RAE1: variants seen among roughly 807,000 people sequenced by gnomAD.
The protein encoded by RAE1 is mRNA export factor RAE1.
A neutral mutation model predicts 52.7 loss-of-function variants in RAE1; 13 were observed. The ratio of observed to expected loss-of-function variants is 0.25; its 90% CI spans 0.16 to 0.39. The LOEUF is 0.39. Among genes scored for constraint, RAE1 ranks in the 10% least tolerant of loss-of-function variants. RAE1 has a pLI of 1.00. For missense variants in RAE1, 262 were observed against 459.8 expected (o/e 0.57, Z 3.93); for synonymous variants, 164 against 153.1 (o/e 1.07, Z -0.52).
At chr20:57,377,277 C>T (rs539037539) in intron 11 of RAE1, among the ~76,000 whole-genome samples, 8 of 152,326 alleles carry the variant, frequency 5.3e-5, no homozygotes, top group South Asian at 2.1e-4. Context: ...GGCCCACCTG[C>T]GGCTCCTGCC....
intron 8 of RAE1, chr20:57,372,319 CA>C (rs111594117): frequency 2.6e-5 from 4 of 152,084 alleles, no homozygotes; most frequent in African/African-American, 4.8e-5. Flanking sequence ...TGGTTGAATC[CA>C]AAAAAAACCT....
intron 4 of RAE1, chr20:57,358,670 G>T: frequency 4.2e-6 from 1 of 237,754 alleles, no homozygotes; most frequent in South Asian, 1.6e-4. Flanking sequence ...TACACCATTA[G>T]GATGTCCTGA....
chr20:57,354,166 T>G, intron 2 of RAE1, 38 bp downstream of exon 2: 1 of 1,571,142 alleles, frequency 6.4e-7, no homozygotes, highest in Non-Finnish European at 8.8e-7. Flanking sequence ...TAGGAAGAGT[T>G]TGGGCAGAGT....
In RAE1 at chr20:57,368,795, T is replaced by G. The variant is rs1460450431; in HGVS notation, c.625T>G (p.Ser209Ala). Residue 209 changes from serine to alanine, a missense_variant, in exon 8 of 12, where the codon TCT (serine) becomes GCT (alanine). Ser to Ala is a moderately conservative substitution (Grantham distance 99). Transcript: ENST00000395841. ...NQPSEFRRIE[S>A]PLKHQHRCVA... Reference sequence around the variant, plus strand: ...ACCTTCTGAATTCAGGAGGATAGAATCTCCACTGAAACATCAGGTGCGTCA... The same window carrying G: ...ACCTTCTGAATTCAGGAGGATAGAAGCTCCACTGAAACATCAGGTGCGTCA... The G allele has an allele frequency of 1.9e-6, 3 of 1,611,978 alleles. No homozygotes were observed. The highest frequency in any genetic ancestry group is 1.3e-5 in the African/African-American group (1 of 74,886).
chr20:57,355,037 C>G (rs141844010), intron 3 of RAE1, among the ~76,000 whole-genome samples: 1 of 152,312 alleles, frequency 6.6e-6, no homozygotes, highest in African/African-American at 2.4e-5. Flanking sequence ...TCGAAATTTT[C>G]TACTTTAGTT....
In RAE1 at chr20:57,356,511, G is replaced by A. The variant is rs1459352619; in HGVS notation, c.261G>A (p.Gly87=). ...CAAAAGCCCAGCAGATGCACACTGG[G>A]CCTGTGCTTGATGTCTGCTGGAGTG... The part of the protein sequence containing the change: ...TIPKAQQMHT[G]PVLDVCWSDD... Residue 87 remains glycine, a synonymous_variant, in exon 4 of 12, where the codon GGG becomes GGA. Transcript: ENST00000395841. The A allele has an allele frequency of 3.7e-6, 6 of 1,613,074 alleles. No homozygotes were observed. Among genetic ancestry groups the A allele is most frequent in the African/African-American group, 2.7e-5 (2 of 74,916 alleles).
chr20:57,378,236 C>T lies in RAE1; in HGVS notation c.*137C>T. ...CCCTGGAGAAAACGATGTCATTGTT[C>T]AGCAGCTGAGAGCCCAGGCGTCCGC... On this transcript the variant is annotated 3_prime_UTR_variant, in exon 12 of 12. Coordinates refer to ENST00000395841, the MANE Select transcript of RAE1 (RefSeq NM_003610.4). The T allele has an allele frequency of 1.4e-6, 1 of 722,194 alleles. No individual in the cohort carries two copies. The highest frequency in any genetic ancestry group is 2.8e-5 in the East Asian group (1 of 36,254). 44.7% of individuals were successfully genotyped at this position (722,194 alleles called of 1,614,324 possible).
Position 57,351,323 on chromosome 20 carries a change from C to T in RAE1, c.-107C>T. 1 of 985,496 alleles carries T rather than the reference C, an allele frequency of 1.0e-6. No homozygotes were observed. Among genetic ancestry groups the T allele is most frequent in the Non-Finnish European group, 1.2e-6 (1 of 829,986 alleles). The allele number at this position is 985,496 out of a possible 1,614,324, so 61.0% of individuals were successfully genotyped here. A position where few individuals can be genotyped will look rare whatever the true frequency, so the allele number is the denominator to read the frequency against. ...GGCTTCGGGCTCCTGGGATTTCTGT[C>T]CGCGCTCCTGGCCCTCGTCCTTCGC... On this transcript the variant is annotated 5_prime_UTR_variant, in exon 1 of 12. Transcript: ENST00000395841.
chr20:57,359,032 G>A (rs1313346993), intron 4 of RAE1: 2 of 1,516,546 alleles, frequency 1.3e-6, no homozygotes, highest in African/African-American at 1.4e-5. Flanking sequence ...GAACCTTCGT[G>A]TGGCCATTCA....
chr20:57,354,693 A>G lies in RAE1; in HGVS notation c.91-19A>G, dbSNP rs2066758584. 5.9e-6 allele frequency: 9 copies of G among 1,537,594 alleles called. No homozygotes were observed. Among genetic ancestry groups the G allele is most frequent in the Non-Finnish European group, 7.0e-6 (8 of 1,140,148 alleles). On this transcript the variant is annotated intron_variant, in intron 2 of 11. Transcript: ENST00000395841. ...GTTGTGAGCGTGCATACATTTTAAC[A>G]TTGACTTTTTTCCCGCAGGATATTG... is the stretch of plus-strand genomic sequence containing the variant.
chr20:57,360,542 T>A (rs2066877039), intron 4 of RAE1, among the ~76,000 whole-genome samples: 1 of 152,206 alleles, frequency 6.6e-6, no homozygotes, highest in Admixed American at 6.5e-5. Flanking sequence ...AATGGTTTTG[T>A]TAATGTAACT....
intron 4 of RAE1, among the ~76,000 whole-genome samples, chr20:57,363,214 T>G (rs1224937602): frequency 6.6e-6 from 1 of 152,210 alleles, no homozygotes; most frequent in African/African-American, 2.4e-5. Context: ...TGTTTAATCT[T>G]TCTAAATTTG....
At chr20:57,365,485 C>A (rs1364263782) in intron 5 of RAE1, 43 bp downstream of exon 5, 2 of 1,381,936 alleles carry the variant, frequency 1.4e-6, no homozygotes, top group South Asian at 1.3e-5. Flanking sequence ...AACTGGTACC[C>A]AGGACTGTGA....
intron 1 of RAE1, among the ~76,000 whole-genome samples, chr20:57,353,548 T>C (rs2146124484): frequency 6.6e-6 from 1 of 152,378 alleles, no homozygotes; most frequent in South Asian, 2.1e-4. Flanking sequence ...GGTAGTTTCA[T>C]GCGGATGCTG....
At chr20:57,351,945 C>T in intron 1 of RAE1, 2 of 985,472 alleles carry the variant, frequency 2.0e-6, no homozygotes, top group Non-Finnish European at 2.4e-6. Flanking sequence ...CACCAGCCGC[C>T]CTGGGCCAGG....
chr20:57,376,692 G>A (rs2067120800), intron 11 of RAE1, among the ~76,000 whole-genome samples: 3 of 152,200 alleles, frequency 2.0e-5, no homozygotes, highest in Non-Finnish European at 4.4e-5. Flanking sequence ...CTGGCTGGGG[G>A]TGGACAGGCT....
chr20:57,359,863 A>G lies in RAE1; in HGVS notation c.288+3325A>G, dbSNP rs551000818. On this transcript the variant is annotated intron_variant, in intron 4 of 11. Coordinates refer to ENST00000395841, the MANE Select transcript of RAE1 (RefSeq NM_003610.4). ...TACAGTTCTTTCATCCTTCCCTTAC[A>G]GTACTGTGTCTATTGCCAGAAATAT... The G allele has an allele frequency of 2.0e-5, 3 of 152,336 alleles. No homozygotes were observed. The South Asian group carries it at 6.2e-4, about 32-fold the overall frequency. The allele number at this position is 152,336 out of a possible 1,614,324, so 9.4% of individuals were successfully genotyped here.
intron 11 of RAE1, 62 bp downstream of exon 11, chr20:57,374,863 AAGGCCT>A: frequency 6.3e-7 from 1 of 1,583,042 alleles, no homozygotes; most frequent in Non-Finnish European, 8.7e-7. Flanking sequence ...CTGGGTTCAG[AAGGCCT>A]AGGCCTGAGT....
intron 1 of RAE1, 145 bp downstream of exon 1, chr20:57,351,567 CGAGGTCA>C (rs2066709195): frequency 1.4e-5 from 14 of 985,444 alleles, no homozygotes; most frequent in Non-Finnish European, 1.7e-5. Context: ...GCCCTGGAAG[CGAGGTCA>C]GAGCTGGAAA....
Sources: allele counts gnomAD v4.1 joint callset (sites outside exome capture counted in the v4.1 genomes callset), GRCh38; gene constraint gnomAD v4.1.1; transcripts MANE v1.5; gene names NCBI Gene and HGNC (gene_info 2026-07-23, HGNC 2026-07-21).